Variants in PTCD2 observed in about 807,000 individuals in gnomAD.
The protein encoded by PTCD2 is pentatricopeptide repeat domain 2.
PTCD2 carries 31 observed loss-of-function variants against 42.6 expected under a neutral mutation model. That is an observed-to-expected ratio of 0.73 (90% confidence interval 0.55 to 0.98). The LOEUF (loss-of-function observed/expected upper bound fraction) is 0.98, where lower values mean the gene tolerates loss of function less well. PTCD2 is among the 50% of genes least tolerant of loss of function. The pLI, the probability that PTCD2 is intolerant of heterozygous loss-of-function variation, is 0.00. For missense variants in PTCD2, 476 were observed against 454.8 expected (o/e 1.05, Z -0.42); for synonymous variants, 183 against 170.9 (o/e 1.07, Z -0.55).
chr5:72,343,336 G>T (rs1752171965), intron 8 of PTCD2, among the ~76,000 whole-genome samples: 1 of 152,216 alleles, frequency 6.6e-6, no homozygotes. Flanking sequence ...GAAAGCTGTA[G>T]ATGTAGGGAG....
At position 72,362,300 on chromosome 5, in the gene PTCD2, G is replaced by T. The variant is rs1753113683; in HGVS notation, c.*3873G>T. The T allele has an allele frequency of 6.6e-6, 1 of 152,180 alleles. No individual in the cohort carries two copies. The allele number at this position is 152,180 out of a possible 1,614,324, so 9.4% of individuals were successfully genotyped here. A position where few individuals can be genotyped will look rare whatever the true frequency, so the allele number is the denominator to read the frequency against. ...TGTGTCATTATAAAACAAGCCCAAAGAAATTTGGTCACCCCTTCCTTTAAG... is the reference window on the plus strand; with the variant it reads ...TGTGTCATTATAAAACAAGCCCAAATAAATTTGGTCACCCCTTCCTTTAAG... On this transcript the variant is annotated 3_prime_UTR_variant, in exon 10 of 10. Transcript: ENST00000380639.
intron 3 of PTCD2, among the ~76,000 whole-genome samples, chr5:72,328,359 C>T (rs551961569): frequency 6.6e-6 from 1 of 152,330 alleles, no homozygotes; most frequent in African/African-American, 2.4e-5. Context: ...TGGAGTGCCT[C>T]ATTATTCATT....
intron 7 of PTCD2, among the ~76,000 whole-genome samples, chr5:72,342,368 G>A (rs1056875544): frequency 4.6e-5 from 7 of 152,174 alleles, no homozygotes; most frequent in African/African-American, 1.4e-4. Context: ...CTATGGAAAC[G>A]CTTGACTAGC....
At chr5:72,342,420 T>G (rs547265096) in intron 7 of PTCD2, among the ~76,000 whole-genome samples, 2 of 152,394 alleles carry the variant, frequency 1.3e-5, no homozygotes, top group South Asian at 4.1e-4. Context: ...TTCTCTTTAC[T>G]AGTCCTGCGC....
At chr5:72,334,983 A>G in intron 4 of PTCD2, 35 bp from the exon 5 acceptor site, 1 of 1,356,694 alleles carries the variant, frequency 7.4e-7, no homozygotes, top group Non-Finnish European at 1.1e-6. Context: ...AATAGTTTTA[A>G]CTTTTAACCA....
Position 72,343,055 on chromosome 5 carries a change from GT to G in PTCD2, c.828+22del, listed in dbSNP as rs757517223. The G allele has an allele frequency of 2.1e-6, 3 of 1,417,744 alleles. No homozygotes were observed. The highest frequency in any genetic ancestry group is 1.9e-6 in the Non-Finnish European group (2 of 1,028,650). 87.8% of individuals were successfully genotyped at this position (1,417,744 alleles called of 1,614,324 possible). ...TTTAAATGTAAGTGATTTCTTTATG[GT>G]TTAAGGTAAGCCTTGAAATGTATTA... On this transcript the variant is annotated intron_variant, in intron 8 of 9. Transcript: ENST00000380639.
chr5:72,331,302 T>C lies in PTCD2; in HGVS notation c.395T>C (p.Phe132Ser). The C allele has an allele frequency of 6.2e-7, 1 of 1,614,104 alleles. No homozygotes were observed. The highest frequency in any genetic ancestry group is 8.5e-7 in the Non-Finnish European group (1 of 1,179,956). Residue 132 changes from phenylalanine to serine, a missense_variant, in exon 4 of 10, where the codon TTT becomes TCT. Phe to Ser is a radical substitution (Grantham distance 155, BLOSUM62 -2). Coordinates refer to ENST00000380639, the MANE Select transcript of PTCD2 (RefSeq NM_024754.5). ...NKNFTLGEYK[F>S]GPLFVRLCYE... is the part of the protein sequence containing the mutation. The stretch of plus-strand genomic sequence containing the variant: ...AATTTCACTTTGGGGGAGTATAAAT[T>C]TGGACCGCTTTTTGTGAGGTTGTGT...
intron 7 of PTCD2, among the ~76,000 whole-genome samples, chr5:72,341,938 T>C (rs1157397345): frequency 6.6e-6 from 1 of 150,822 alleles, no homozygotes; most frequent in Non-Finnish European, 1.5e-5. Context: ...CCAGCTACTC[T>C]GGAGGCTGAG....
intron 4 of PTCD2, among the ~76,000 whole-genome samples, chr5:72,332,082 C>G (rs1465760699): frequency 6.6e-6 from 1 of 152,150 alleles, no homozygotes; most frequent in South Asian, 2.1e-4. Context: ...GCTTAGACTG[C>G]TTTTCATGAG....
intron 8 of PTCD2, among the ~76,000 whole-genome samples, chr5:72,350,839 G>C (rs533980601): frequency 2.2e-4 from 34 of 152,260 alleles, no homozygotes; most frequent in African/African-American, 7.2e-4. Context: ...AACTATCTTT[G>C]TAAGGATCAA....
chr5:72,327,603 G>C (rs1354756365), intron 3 of PTCD2, among the ~76,000 whole-genome samples: 1 of 151,426 alleles, frequency 6.6e-6, no homozygotes, highest in Non-Finnish European at 1.5e-5. Flanking sequence ...CTCCCAAGTA[G>C]CTGGGGTTAC....
At chr5:72,329,789 G>T (rs1165973938) in intron 3 of PTCD2, among the ~76,000 whole-genome samples, 1 of 151,968 alleles carries the variant, frequency 6.6e-6, no homozygotes, top group Non-Finnish European at 1.5e-5. Context: ...TAATTAATTT[G>T]CTCATCATCA....
Position 72,358,384 on chromosome 5 carries a change from G to T in PTCD2, c.1124G>T (p.Arg375Leu), listed in dbSNP as rs768526961. 6.2e-7 allele frequency: 1 copy of T among 1,613,684 alleles called. No homozygotes were observed. The highest frequency in any genetic ancestry group is 8.5e-7 in the Non-Finnish European group (1 of 1,179,938). Residue 375 changes from arginine to leucine, a missense_variant, in exon 10 of 10, where the codon CGT becomes CTT. Coordinates refer to ENST00000380639, the MANE Select transcript of PTCD2 (RefSeq NM_024754.5). ...CTATTAAACAAGAGGATGGTCAGCC[G>T]TCGCACCTTCCAGCCACTCAGCCAG... ...TLLLNKRMVS[R>L]RTFQPLSQSL... is the part of the protein sequence containing the mutation.
chr5:72,328,875 G>T (rs1751280422), intron 3 of PTCD2, among the ~76,000 whole-genome samples: 1 of 152,128 alleles, frequency 6.6e-6, no homozygotes, highest in Non-Finnish European at 1.5e-5. Context: ...GAAACTCGCT[G>T]CATAAAACTT....
intron 2 of PTCD2, among the ~76,000 whole-genome samples, chr5:72,325,286 A>C (rs899903130): frequency 2.6e-5 from 4 of 152,216 alleles, no homozygotes; most frequent in African/African-American, 9.7e-5. Context: ...TGATGACTTG[A>C]GACTTTTTAG....
rs559401141 is a variant in PTCD2, at chr5:72,330,969, C to T, written c.351-289C>T. On this transcript the variant is annotated intron_variant, in intron 3 of 9. Coordinates refer to ENST00000380639, the MANE Select transcript of PTCD2 (RefSeq NM_024754.5). Reference sequence around the variant, plus strand: ...TTCTTAAGGTGTGCTCACACTCAGTCTAGGGGTTGTTTCTAAATTTAGAGA... The same window carrying T: ...TTCTTAAGGTGTGCTCACACTCAGTTTAGGGGTTGTTTCTAAATTTAGAGA... Among the ~76,000 whole-genome samples the T allele has an allele frequency of 3.3e-5, 5 of 152,304 alleles. No homozygotes were observed. The East Asian group carries it at 9.7e-4, about 29-fold the overall frequency.
intron 3 of PTCD2, among the ~76,000 whole-genome samples, chr5:72,330,973 G>T (rs1751410734): frequency 2.6e-5 from 4 of 152,108 alleles, no homozygotes; most frequent in Admixed American, 2.6e-4. Flanking sequence ...CTCAGTCTAG[G>T]GGTTGTTTCT....
intron 3 of PTCD2, among the ~76,000 whole-genome samples, chr5:72,330,235 C>T (rs190640087): frequency 3.2e-4 from 49 of 152,052 alleles, no homozygotes; most frequent in Admixed American, 1.1e-3. Flanking sequence ...CCACTGTGCC[C>T]GGCCTATTTG....
intron 2 of PTCD2, among the ~76,000 whole-genome samples, chr5:72,323,008 G>C (rs941838725): frequency 2.6e-5 from 4 of 152,070 alleles, no homozygotes; most frequent in African/African-American, 9.7e-5. Context: ...AAGTTAGTTG[G>C]GCGTGGTGGT....
Sources: allele counts gnomAD v4.1 joint callset (sites outside exome capture counted in the v4.1 genomes callset), GRCh38; gene constraint gnomAD v4.1.1; transcripts MANE v1.5; gene names NCBI Gene and HGNC (gene_info 2026-07-23, HGNC 2026-07-21).